The following ROBO1 variants were observed in gnomAD, a reference collection of about 807,000 sequenced individuals.
ROBO1 encodes the protein roundabout homolog 1.
ROBO1 carries 149 observed loss-of-function variants against 195.9 expected under a neutral mutation model. The ratio of observed to expected loss-of-function variants is 0.76; its 90% CI spans 0.67 to 0.87. The LOEUF (loss-of-function observed/expected upper bound fraction) is 0.87. Ranked by LOEUF, ROBO1 falls within the 40% of genes least tolerant of loss-of-function variation. ROBO1 has a pLI of 0.00. For synonymous variants in ROBO1, 816 were observed against 733.2 expected (o/e 1.11, Z -1.82); for missense variants, 1,933 against 2,068.3 (o/e 0.93, Z 1.27).
chr3:78,675,537 T>C (rs1575903444), intron 10 of ROBO1, among the ~76,000 whole-genome samples: 1 of 151,998 alleles, frequency 6.6e-6, no homozygotes, highest in African/African-American at 2.4e-5. Context: ...GCTCGGAGGG[T>C]CCTACACCCA....
At chr3:79,651,208 TAGG>T (rs1945996293) in intron 1 of ROBO1, among the ~76,000 whole-genome samples, 1 of 152,122 alleles carries the variant, frequency 6.6e-6, no homozygotes, top group Non-Finnish European at 1.5e-5. Context: ...CATTAGCTCT[TAGG>T]AGAAGAAGGG....
intron 8 of ROBO1, among the ~76,000 whole-genome samples, chr3:78,690,079 A>T (rs1481923977): frequency 6.7e-6 from 1 of 149,646 alleles, no homozygotes; most frequent in Non-Finnish European, 1.5e-5. Context: ...ATGTCCCTAA[A>T]TCTGGGTATT....
At chr3:79,659,156 T>C (rs1345455339) in intron 1 of ROBO1, among the ~76,000 whole-genome samples, 1 of 152,124 alleles carries the variant, frequency 6.6e-6, no homozygotes, top group African/African-American at 2.4e-5. Context: ...TTTGTGTATA[T>C]TAACCATCCG....
chr3:78,949,723 CAACCTACAGAATGGGAGAA>C (rs1247014242), intron 3 of ROBO1, among the ~76,000 whole-genome samples: 2 of 151,998 alleles, frequency 1.3e-5, no homozygotes, highest in Non-Finnish European at 2.9e-5. Context: ...AGTGAACAGG[CAACCTACAGAATGGGAGAA>C]AATTTTCGCA....
intron 1 of ROBO1, among the ~76,000 whole-genome samples, chr3:79,688,454 T>C (rs1418215032): frequency 5.3e-5 from 8 of 152,168 alleles, no homozygotes; most frequent in African/African-American, 1.2e-4. Context: ...CTTTGATTAA[T>C]ATTCAGAGTT....
chr3:78,598,868 G>T lies in ROBO1; in HGVS notation c.*45C>A, dbSNP rs766266308. 2 of 1,414,406 alleles carry T rather than the reference G, an allele frequency of 1.4e-6. No homozygotes were observed. The highest frequency in any genetic ancestry group is 1.9e-6 in the Non-Finnish European group (2 of 1,027,642). The allele number at this position is 1,414,406 out of a possible 1,614,324, so 87.6% of individuals were successfully genotyped here. On this transcript the variant is annotated 3_prime_UTR_variant, in exon 31 of 31. Transcript: ENST00000464233. ...TGTGTCATCTGACAGGAGGCATCTT[G>T]AGTGATGATTTTCACATTAGATCTC... is the stretch of plus-strand genomic sequence containing the variant.
At chr3:78,676,322 T>G (rs1708422059) in intron 10 of ROBO1, among the ~76,000 whole-genome samples, 1 of 152,152 alleles carries the variant, frequency 6.6e-6, no homozygotes, top group Non-Finnish European at 1.5e-5. Flanking sequence ...CAAAGCTGGA[T>G]GGAGAATGAC....
Position 78,992,261 on chromosome 3 carries a change from G to A in ROBO1, c.173-53334C>T, listed in dbSNP as rs764888561. ...AGTGATACCAATCCTGGATCCTGGT[G>A]TAGATATCATCTCGCTAAGCCAACC... On this transcript the variant is annotated intron_variant, in intron 3 of 30. Coordinates refer to ENST00000464233, the MANE Select transcript of ROBO1 (RefSeq NM_002941.4). Among the ~76,000 whole-genome samples, 240 of 152,250 alleles carry A rather than the reference G, an allele frequency of 1.6e-3. 1 individual carries two copies. Among genetic ancestry groups the A allele is most frequent in the Middle Eastern group, 6.8e-3 (2 of 294 alleles).
chr3:79,215,976 T>C (rs1160322015), intron 2 of ROBO1, among the ~76,000 whole-genome samples: 3 of 152,012 alleles, frequency 2.0e-5, no homozygotes, highest in South Asian at 2.1e-4. Flanking sequence ...AATCTATCAC[T>C]AGAAATTCAG....
At chr3:78,823,751 T>G (rs1388183154) in intron 4 of ROBO1, among the ~76,000 whole-genome samples, 1 of 152,226 alleles carries the variant, frequency 6.6e-6, no homozygotes, top group Non-Finnish European at 1.5e-5. Context: ...ATACTTACCC[T>G]TTTTGTTTCA....
intron 3 of ROBO1, among the ~76,000 whole-genome samples, chr3:79,085,428 C>T (rs1380106606): frequency 6.6e-6 from 1 of 152,150 alleles, no homozygotes; most frequent in Non-Finnish European, 1.5e-5. Context: ...GCATAGTTAA[C>T]TGTCAGTTTC....
chr3:79,519,958 A>G (rs971084394), intron 2 of ROBO1, among the ~76,000 whole-genome samples: 15 of 152,020 alleles, frequency 9.9e-5, no homozygotes, highest in African/African-American at 3.6e-4. Context: ...TGGGAGTTTG[A>G]GACTATTCTG....
intron 4 of ROBO1, among the ~76,000 whole-genome samples, chr3:78,934,700 G>A (rs980474450): frequency 6.6e-6 from 1 of 151,740 alleles, no homozygotes; most frequent in African/African-American, 2.4e-5. Flanking sequence ...CAAAATGGGG[G>A]GACCCAATTT....
intron 1 of ROBO1, among the ~76,000 whole-genome samples, chr3:79,745,774 G>A (rs905824371): frequency 2.6e-5 from 4 of 152,082 alleles, no homozygotes; most frequent in African/African-American, 7.2e-5. Flanking sequence ...AAGGAAATAA[G>A]TTAGTTCATT....
At chr3:78,749,081 C>G (rs1381830934) in intron 4 of ROBO1, among the ~76,000 whole-genome samples, 2 of 151,976 alleles carry the variant, frequency 1.3e-5, no homozygotes. Context: ...AAATATAAGG[C>G]CTGCAGAAAA....
chr3:79,236,685 A>C (rs777435018), intron 2 of ROBO1, among the ~76,000 whole-genome samples: 8 of 152,188 alleles, frequency 5.3e-5, no homozygotes, highest in South Asian at 2.1e-4. Flanking sequence ...ACATATCTAA[A>C]GTAAAAAGAA....
intron 1 of ROBO1, among the ~76,000 whole-genome samples, chr3:79,707,487 C>A (rs777839218): frequency 6.6e-6 from 1 of 152,048 alleles, no homozygotes; most frequent in African/African-American, 2.4e-5. Context: ...CTACATATCA[C>A]GTTTAAATTA....
intron 4 of ROBO1, among the ~76,000 whole-genome samples, chr3:78,788,254 T>C (rs368180794): frequency 6.6e-6 from 1 of 151,138 alleles, no homozygotes; most frequent in African/African-American, 2.4e-5. Flanking sequence ...TAGCTGGGGC[T>C]AAAGGCGCCC....
intron 2 of ROBO1, among the ~76,000 whole-genome samples, chr3:79,164,121 G>T (rs1176298948): frequency 6.6e-6 from 1 of 152,062 alleles, no homozygotes; most frequent in Admixed American, 6.6e-5. Context: ...TGGTCCAAGG[G>T]TGGGGGAACT....
Sources: gnomAD v4.1 joint callset for allele counts (sites outside exome capture counted in the v4.1 genomes callset) on GRCh38, gnomAD v4.1.1 for gene constraint, MANE v1.5 for transcripts, NCBI Gene and HGNC (gene_info 2026-07-23, HGNC 2026-07-21) for gene names.